ANKS6: variants seen among roughly 807,000 people sequenced by gnomAD.
ANKS6 encodes the protein ankyrin repeat and sterile alpha motif domain containing 6.
In ANKS6, 47 loss-of-function variants were observed where a neutral mutation model predicts 77.9. The ratio of observed to expected loss-of-function variants is 0.60; its 90% CI spans 0.48 to 0.77. The LOEUF is 0.77. Ranked by LOEUF, ANKS6 falls within the 30% of genes least tolerant of loss-of-function variation. ANKS6 has a pLI of 0.00. For missense variants in ANKS6, 1,150 were observed against 1,159.1 expected (o/e 0.99, Z 0.11); for synonymous variants, 488 against 501.7 (o/e 0.97, Z 0.37).
At position 98,734,802 on chromosome 9, in the gene ANKS6, TA is replaced by T. The variant is rs34411508; in HGVS notation, c.*1716del. On this transcript the variant is annotated 3_prime_UTR_variant, in exon 15 of 15. Transcript: ENST00000353234. ...TAGGGGATGAATGAGTGTGTCTCCT[TA>T]AAAAGGCTGGGACATTAGTAACCTT... The T allele has an allele frequency of 1.0e-6, 1 of 985,256 alleles. No homozygotes were observed. Among genetic ancestry groups the T allele is most frequent in the Non-Finnish European group, 1.2e-6 (1 of 829,906 alleles). 61.0% of individuals were successfully genotyped at this position (985,256 alleles called of 1,614,324 possible).
At chr9:98,737,217 G>T (rs1281699746) in intron 14 of ANKS6, among the ~76,000 whole-genome samples, 4 of 152,142 alleles carry the variant, frequency 2.6e-5, no homozygotes, top group Non-Finnish European at 4.4e-5. Flanking sequence ...AGGCTCGGAG[G>T]CAGCAATACT....
At chr9:98,740,642 G>C (rs748416041) in intron 14 of ANKS6, among the ~76,000 whole-genome samples, 5 of 152,116 alleles carry the variant, frequency 3.3e-5, no homozygotes, top group Admixed American at 6.5e-5. Flanking sequence ...ACAGGGTTCC[G>C]GCCCTCGCTG....
At chr9:98,761,987 T>C (rs1420570981) in intron 11 of ANKS6, among the ~76,000 whole-genome samples, 1 of 152,196 alleles carries the variant, frequency 6.6e-6, no homozygotes, top group African/African-American at 2.4e-5. Flanking sequence ...TAGATCAAAT[T>C]GCAGAGAATT....
chr9:98,788,232 A>G (rs1302348805), intron 2 of ANKS6, among the ~76,000 whole-genome samples: 1 of 152,232 alleles, frequency 6.6e-6, no homozygotes, highest in Non-Finnish European at 1.5e-5. Flanking sequence ...AAGATTCAAG[A>G]TGCAGAGGCT....
chr9:98,754,101 T>A (rs1832572531), intron 12 of ANKS6, among the ~76,000 whole-genome samples: 9 of 152,148 alleles, frequency 5.9e-5, no homozygotes, highest in Admixed American at 5.9e-4. Flanking sequence ...TACACTCTAA[T>A]GTCATTATGT....
At position 98,796,506 on chromosome 9, in the gene ANKS6, G is replaced by T; in HGVS notation, c.-15C>A. 1.2e-5 allele frequency: 12 copies of T among 987,126 alleles called. No homozygotes were observed. Among genetic ancestry groups the T allele is most frequent in the Non-Finnish European group, 1.3e-5 (11 of 832,500 alleles). The allele number at this position is 987,126 out of a possible 1,614,324, so 61.1% of individuals were successfully genotyped here. A position where few individuals can be genotyped will look rare whatever the true frequency, so the allele number is the denominator to read the frequency against. On this transcript the variant is annotated 5_prime_UTR_variant, in exon 1 of 15. Coordinates refer to ENST00000353234, the MANE Select transcript of ANKS6 (RefSeq NM_173551.5). ...CCCTCGCCCATCGCCGCCGCCACGC[G>T]CGGCCCGCTCCCGTCCGCCCCGCCG...
chr9:98,785,656 T>C (rs985852497), intron 2 of ANKS6, among the ~76,000 whole-genome samples: 25 of 152,132 alleles, frequency 1.6e-4, no homozygotes, highest in Admixed American at 3.3e-4. Context: ...GTCTGCTTGC[T>C]GGGGGGCTGA....
At chr9:98,784,702 C>G in intron 3 of ANKS6, 130 bp downstream of exon 3, 1 of 869,816 alleles carries the variant, frequency 1.1e-6, no homozygotes, top group South Asian at 1.6e-5. Context: ...AACTTCCAAA[C>G]ACCAAACACC....
intron 13 of ANKS6, among the ~76,000 whole-genome samples, chr9:98,747,120 T>C (rs553482690): frequency 1.3e-4 from 20 of 152,362 alleles, no homozygotes; most frequent in African/African-American, 4.1e-4. Context: ...AGCTTTATGA[T>C]CTACATTTAC....
chr9:98,787,876 G>T (rs1834660762), intron 2 of ANKS6, among the ~76,000 whole-genome samples: 1 of 152,238 alleles, frequency 6.6e-6, no homozygotes, highest in Non-Finnish European at 1.5e-5. Context: ...GTTCGCTCCT[G>T]TCAAATAACG....
At position 98,782,567 on chromosome 9, in the gene ANKS6, C is replaced by T; in HGVS notation, c.1119G>A (p.Lys373=). 3 of 1,613,808 alleles carry T rather than the reference C, an allele frequency of 1.9e-6. No homozygotes were observed. Among genetic ancestry groups the T allele is most frequent in the Non-Finnish European group, 2.5e-6 (3 of 1,179,770 alleles). ...ALMQATYHGN[K]EIVKYLLNQG... Reference sequence around the variant, plus strand: ...GGTTTAGCAGATATTTCACAATTTCCTTATTCCTGGGAAAAAATGCTAGAG... The same window carrying T: ...GGTTTAGCAGATATTTCACAATTTCTTTATTCCTGGGAAAAAATGCTAGAG... The change falls in exon 5 of 15, where the codon AAG becomes AAA. Residue 373 remains lysine, a synonymous_variant. Coordinates refer to ENST00000353234, the MANE Select transcript of ANKS6 (RefSeq NM_173551.5).
chr9:98,773,242 C>G (rs556581604), intron 9 of ANKS6, among the ~76,000 whole-genome samples: 1 of 152,160 alleles, frequency 6.6e-6, no homozygotes, highest in Non-Finnish European at 1.5e-5. Flanking sequence ...TCAGCCCCAT[C>G]GTATAGAGAT....
chr9:98,786,639 G>C (rs1461661674), intron 2 of ANKS6, among the ~76,000 whole-genome samples: 1 of 152,148 alleles, frequency 6.6e-6, no homozygotes, highest in African/African-American at 2.4e-5. Flanking sequence ...ATGGGACACA[G>C]TATATCAATT....
intron 11 of ANKS6, 36 bp downstream of exon 11, chr9:98,768,045 T>C: frequency 4.4e-6 from 7 of 1,574,192 alleles, no homozygotes; most frequent in Non-Finnish European, 6.0e-6. Flanking sequence ...ACAGAATCTG[T>C]GAGTGTAACA....
Position 98,732,377 on chromosome 9 carries a change from T to C in ANKS6, c.*4142A>G. Reference sequence around the variant, plus strand: ...TACGACTTGGTCAAACTATCTTTCTTTCTGTCTGCCATGCCAGGAAATCCA... The same window carrying C: ...TACGACTTGGTCAAACTATCTTTCTCTCTGTCTGCCATGCCAGGAAATCCA... On this transcript the variant is annotated 3_prime_UTR_variant, in exon 15 of 15. Coordinates refer to ENST00000353234, the MANE Select transcript of ANKS6 (RefSeq NM_173551.5). 3.6e-6 allele frequency: 4 copies of C among 1,114,934 alleles called. No homozygotes were observed. The South Asian group carries it at 6.0e-5, about 17-fold the overall frequency. 69.1% of individuals were successfully genotyped at this position (1,114,934 alleles called of 1,614,324 possible).
chr9:98,732,811 T>C lies in ANKS6; in HGVS notation c.*3708A>G, dbSNP rs1831272560. 4.6e-6 allele frequency: 6 copies of C among 1,305,740 alleles called. No individual in the cohort carries two copies. Among genetic ancestry groups the C allele is most frequent in the Non-Finnish European group, 5.8e-6 (6 of 1,027,366 alleles). 80.9% of individuals were successfully genotyped at this position (1,305,740 alleles called of 1,614,324 possible). On this transcript the variant is annotated 3_prime_UTR_variant, in exon 15 of 15. Coordinates refer to ENST00000353234, the MANE Select transcript of ANKS6 (RefSeq NM_173551.5). ...TGCTCTTTCCAGGGTAACAGGTTGC[T>C]TCTACTCATTTTAAAGGACTAAAAA...
At chr9:98,782,641 C>A (rs571651082) in intron 4 of ANKS6, 68 bp from the exon 5 acceptor site, 1 of 1,226,058 alleles carries the variant, frequency 8.2e-7, no homozygotes, top group African/African-American at 1.5e-5. Context: ...GGCAACAAAA[C>A]CAACATTAAC....
chr9:98,788,661 G>C (rs1834715668), intron 2 of ANKS6, among the ~76,000 whole-genome samples: 1 of 152,220 alleles, frequency 6.6e-6, no homozygotes. Context: ...CCACCCCGTA[G>C]TAGTTGTCAT....
intron 11 of ANKS6, among the ~76,000 whole-genome samples, 190 bp from the exon 12 acceptor site, chr9:98,756,793 A>T (rs376005804): frequency 7.7e-4 from 117 of 152,256 alleles, no homozygotes; most frequent in African/African-American, 2.7e-3. Context: ...GGAAAATGCA[A>T]CCCTGGAGCA....
Sources: allele counts gnomAD v4.1 joint callset (sites outside exome capture counted in the v4.1 genomes callset), GRCh38; gene constraint gnomAD v4.1.1; transcripts MANE v1.5; gene names NCBI Gene and HGNC (gene_info 2026-07-23, HGNC 2026-07-21).